Variants in COG3 observed in about 807,000 individuals in gnomAD.
COG3 encodes component of oligomeric golgi complex 3, also known as conserved oligomeric Golgi complex subunit 3.
In COG3, 32 loss-of-function variants were observed where a neutral mutation model predicts 114.1. That is an observed-to-expected ratio of 0.28 (90% CI 0.21 to 0.38). The LOEUF is 0.38. COG3 is among the 10% of genes least tolerant of loss of function. COG3 has a pLI of 1.00. For missense variants in COG3, 813 were observed against 973.2 expected, an observed-to-expected ratio of 0.84 and a Z score of 2.19; for synonymous variants, 352 against 365.7, an observed-to-expected ratio of 0.96 and a Z score of 0.43.
At chr13:45,502,625 A>C (rs1869669809) in intron 13 of COG3, among the ~76,000 whole-genome samples, 1 of 148,314 alleles carries the variant, frequency 6.7e-6, no homozygotes. Context: ...CTGGCTATTA[A>C]TTTTTTTTTT....
chr13:45,534,820 T>C lies in COG3; in HGVS notation c.*89T>C. On this transcript the variant is annotated 3_prime_UTR_variant, in exon 23 of 23. Coordinates refer to ENST00000349995, the MANE Select transcript of COG3 (RefSeq NM_031431.4). ...GTCTGCAGGACACCGAGGAATCGTA[T>C]GTGGGAACGTCCCCGAGAACCACAC... 7.0e-7 allele frequency: 1 copy of C among 1,426,052 alleles called. No individual in the cohort carries two copies. Among genetic ancestry groups the C allele is most frequent in the Non-Finnish European group, 9.2e-7 (1 of 1,089,432 alleles). 88.3% of individuals were successfully genotyped at this position (1,426,052 alleles called of 1,614,324 possible).
intron 19 of COG3, among the ~76,000 whole-genome samples, 168 bp from the exon 20 acceptor site, chr13:45,524,808 A>C (rs921744105): frequency 1.4e-5 from 2 of 141,578 alleles, no homozygotes; most frequent in African/African-American, 4.9e-5. Context: ...GTAAAGGATT[A>C]TGAGATAATG....
In COG3 at chr13:45,465,333, G is replaced by C. The variant is rs977761697; in HGVS notation, c.174+123G>C. The C allele has an allele frequency of 1.1e-5, 16 of 1,413,698 alleles. No individual in the cohort carries two copies. In the South Asian group the frequency reaches 2.4e-4, roughly 21 times the overall value. 87.6% of individuals were successfully genotyped at this position (1,413,698 alleles called of 1,614,324 possible). On this transcript the variant is annotated intron_variant, in intron 1 of 22. Coordinates refer to ENST00000349995, the MANE Select transcript of COG3 (RefSeq NM_031431.4). The stretch of plus-strand genomic sequence containing the variant: ...ATCTCTCCACTCCTCCCTGGCCATG[G>C]TGGCGGATCCGGTGGGAGGGGCCTC...
In COG3 at chr13:45,529,879, C is replaced by T. The variant is rs1484789832; in HGVS notation, c.2319C>T (p.Ser773=). The change falls in exon 21 of 23, where the codon TCC becomes TCT. Residue 773 remains serine (S), a synonymous_variant. Transcript: ENST00000349995. ...VTLRSMSLYL[S]NKDTEFILFK... ...TGAGAAGTATGTCCTTGTACCTATC[C>T]AATAAAGATACCGAGTTCATCTTGT... 6.2e-7 allele frequency: 1 copy of T among 1,612,990 alleles called. No homozygotes were observed. Among genetic ancestry groups the T allele is most frequent in the Admixed American group, 1.7e-5 (1 of 59,880 alleles).
rs763747565 is a variant in COG3 at position 45,516,274 on chromosome 13, G to A, written c.1930+11G>A. The stretch of plus-strand genomic sequence containing the variant: ...TCAAGAAAACTAGAGGTACTTTGCT[G>A]TCCTGGCTGGCACACTTGGGTGTGT... On this transcript the variant is annotated intron_variant, in intron 17 of 22. Transcript: ENST00000349995. 1 of 1,568,960 alleles carries A rather than the reference G, an allele frequency of 6.4e-7. No homozygotes were observed. The highest frequency in any genetic ancestry group is 8.7e-7 in the Non-Finnish European group (1 of 1,151,356).
In COG3 at chr13:45,510,408, C is replaced by A. The variant is rs1229528949; in HGVS notation, c.1719+592C>A. Among the ~76,000 whole-genome samples the A allele has an allele frequency of 2.6e-5, 4 of 152,294 alleles. No individual in the cohort carries two copies. The East Asian group carries it at 5.8e-4, about 22-fold the overall frequency. On this transcript the variant is annotated intron_variant, in intron 15 of 22. Transcript: ENST00000349995. Reference sequence around the variant, plus strand: ...CCTCTACAGACTTAGATGTCTCAGCCTTTTTGCCCAGCTGATGAGATCTCT... The same window carrying A: ...CCTCTACAGACTTAGATGTCTCAGCATTTTTGCCCAGCTGATGAGATCTCT...
chr13:45,502,113 G>C (rs2137857552), intron 13 of COG3, among the ~76,000 whole-genome samples: 1 of 152,258 alleles, frequency 6.6e-6, no homozygotes, highest in East Asian at 1.9e-4. Context: ...GGGAGCAGAT[G>C]GGTGGTCCAT....
rs985163047 is a variant in COG3, at chr13:45,535,516, C to T, written c.*785C>T. ...ACCAATTAAGGTGTCTTAAATTTGGCGCATAGAGGAGAGAAGGAAACCTGA... is the reference window on the plus strand; with the variant it reads ...ACCAATTAAGGTGTCTTAAATTTGGTGCATAGAGGAGAGAAGGAAACCTGA... On this transcript the variant is annotated 3_prime_UTR_variant, in exon 23 of 23. Transcript: ENST00000349995. 7 of 985,358 alleles carry T rather than the reference C, an allele frequency of 7.1e-6. No homozygotes were observed. The highest frequency in any genetic ancestry group is 7.0e-5 in the African/African-American group (4 of 57,208). The allele number at this position is 985,358 out of a possible 1,614,324, so 61.0% of individuals were successfully genotyped here.
At chr13:45,526,020 G>A (rs373545277) in intron 20 of COG3, among the ~76,000 whole-genome samples, 57 of 144,270 alleles carry the variant, frequency 4.0e-4, no homozygotes, top group African/African-American at 1.4e-3. Context: ...TATCTGTTAG[G>A]TATTCATTTT....
At chr13:45,479,120 C>G in intron 3 of COG3, 54 bp downstream of exon 3, 1 of 1,251,442 alleles carries the variant, frequency 8.0e-7, no homozygotes, top group African/African-American at 1.5e-5. Context: ...TCACAGTCAT[C>G]TGAAGCATTT....
In COG3 at chr13:45,516,193, T is replaced by C; in HGVS notation, c.1860T>C (p.Arg620=). 6.2e-7 allele frequency: 1 copy of C among 1,601,736 alleles called. No homozygotes were observed. The highest frequency in any genetic ancestry group is 8.5e-7 in the Non-Finnish European group (1 of 1,170,914). ...LFLIKHLLIL[R]EQIAPFHTEF... ...TAATTAAGCACCTTTTGATACTTCG[T>C]GAACAAATTGCTCCATTTCACACTG... Residue 620 remains arginine, a synonymous_variant, in exon 17 of 23, where the codon CGT becomes CGC. Transcript: ENST00000349995.
chr13:45,500,179 A>T, intron 13 of COG3, among the ~76,000 whole-genome samples: 1 of 151,822 alleles, frequency 6.6e-6, no homozygotes, highest in South Asian at 2.1e-4. Context: ...TGGTGAATTT[A>T]AAAAATGTCC....
intron 20 of COG3, among the ~76,000 whole-genome samples, chr13:45,525,347 C>G (rs1234437457): frequency 1.3e-5 from 2 of 152,014 alleles, no homozygotes; most frequent in East Asian, 1.9e-4. Flanking sequence ...ACCCACTATT[C>G]ATTGTGTTCA....
chr13:45,480,539 G>A (rs558248416), intron 4 of COG3, among the ~76,000 whole-genome samples: 1 of 151,944 alleles, frequency 6.6e-6, no homozygotes, highest in Non-Finnish European at 1.5e-5. Flanking sequence ...TGGCTATGTT[G>A]GTTTGCTCTG....
intron 13 of COG3, among the ~76,000 whole-genome samples, chr13:45,500,396 T>C (rs1308098426): frequency 6.6e-6 from 1 of 152,220 alleles, no homozygotes; most frequent in African/African-American, 2.4e-5. Flanking sequence ...TCTTTCTAAG[T>C]GTATCCTGTA....
At chr13:45,490,892 A>T (rs1333746390) in intron 8 of COG3, 23 bp from the exon 9 acceptor site, 2 of 1,499,342 alleles carry the variant, frequency 1.3e-6, no homozygotes, top group Non-Finnish European at 9.2e-7. Context: ...TGGTTTTTTG[A>T]TGCATTTTTT....
At chr13:45,476,106 C>T in intron 1 of COG3, 95 bp from the exon 2 acceptor site, 1 of 1,150,944 alleles carries the variant, frequency 8.7e-7, no homozygotes, top group Non-Finnish European at 1.3e-6. Flanking sequence ...ATATTTCTTT[C>T]TCTTTCAAAA....
rs57033822 is a variant in COG3, at chr13:45,514,157, C to CTTTTTTTT, written c.1810-1972_1810-1965dup. Among the ~76,000 whole-genome samples the CTTTTTTTT allele has an allele frequency of 2.3e-4, 22 of 93,858 alleles. 1 individual carries two copies. The highest frequency in any genetic ancestry group is 3.4e-4 in the East Asian group (1 of 2,928). 61.6% of individuals were successfully genotyped at this position (93,858 alleles called of 152,430 possible). A position where few individuals can be genotyped will look rare whatever the true frequency, so the allele number is the denominator to read the frequency against. On this transcript the variant is annotated intron_variant, in intron 16 of 22. Coordinates refer to ENST00000349995, the MANE Select transcript of COG3 (RefSeq NM_031431.4). ...GTCCTCTTGTACCACTGTCCTCTCTCTTTTTTTTTTTTTTTTTTTTTGAGA... is the reference window on the plus strand; with the variant it reads ...GTCCTCTTGTACCACTGTCCTCTCTCTTTTTTTTTTTTTTTTTTTTTTTTTTTTTGAGA...
At chr13:45,518,200 G>T (rs1252250577) in intron 17 of COG3, among the ~76,000 whole-genome samples, 1 of 152,152 alleles carries the variant, frequency 6.6e-6, no homozygotes, top group Non-Finnish European at 1.5e-5. Context: ...AATAATACTT[G>T]CTATCTTTAC....
Sources: allele counts gnomAD v4.1 joint callset (sites outside exome capture counted in the v4.1 genomes callset), GRCh38; gene constraint gnomAD v4.1.1; transcripts MANE v1.5; gene names NCBI Gene and HGNC (gene_info 2026-07-23, HGNC 2026-07-21).